Variants in HNF4G observed in about 807,000 individuals in gnomAD.
HNF4G encodes the protein hepatocyte nuclear factor 4-gamma.
HNF4G carries 21 observed loss-of-function variants against 50.9 expected under a neutral mutation model. That is an observed-to-expected ratio of 0.41 (90% CI 0.29 to 0.59). The LOEUF (loss-of-function observed/expected upper bound fraction) is 0.59, where lower values mean the gene tolerates loss of function less well. HNF4G is among the 20% of genes least tolerant of loss of function. The pLI is 0.26. For missense variants in HNF4G, 527 were observed against 559.4 expected, an observed-to-expected ratio of 0.94 and a Z score of 0.58; for synonymous variants, 198 against 185.6, an observed-to-expected ratio of 1.07 and a Z score of -0.54.
chr8:75,499,243 C>T (rs1585897809), intron 2 of HNF4G, among the ~76,000 whole-genome samples: 1 of 151,842 alleles, frequency 6.6e-6, no homozygotes, highest in African/African-American at 2.4e-5. Context: ...TAGCAAACAA[C>T]AGTCAGAAGG....
intron 2 of HNF4G, among the ~76,000 whole-genome samples, chr8:75,547,185 A>G (rs752628174): frequency 2.0e-5 from 3 of 152,218 alleles, no homozygotes; most frequent in Non-Finnish European, 4.4e-5. Flanking sequence ...TAATAGAAGA[A>G]TATTTGAAAA....
intron 1 of HNF4G, among the ~76,000 whole-genome samples, chr8:75,464,967 T>C (rs1811934206): frequency 6.6e-6 from 1 of 152,136 alleles, no homozygotes; most frequent in Non-Finnish European, 1.5e-5. Context: ...GTAAACCTTG[T>C]TTTCTAATCC....
intron 1 of HNF4G, among the ~76,000 whole-genome samples, chr8:75,484,282 G>A (rs754675030): frequency 2.0e-5 from 3 of 152,146 alleles, no homozygotes; most frequent in African/African-American, 7.2e-5. Flanking sequence ...CAGTCATTAC[G>A]AATCATGTTT....
At chr8:75,534,646 A>G (rs945948307) in intron 2 of HNF4G, among the ~76,000 whole-genome samples, 1 of 151,972 alleles carries the variant, frequency 6.6e-6, no homozygotes, top group Non-Finnish European at 1.5e-5. Flanking sequence ...GAAAGAATAT[A>G]GTAGCATCTT....
upstream of HNF4G, among the ~76,000 whole-genome samples, chr8:75,535,163 G>A (rs931426163): frequency 6.6e-6 from 1 of 151,636 alleles, no homozygotes; most frequent in African/African-American, 2.4e-5. Context: ...ATCATAAGAG[G>A]CAATTTCAAA....
At chr8:75,436,426 T>C (rs1242165306) in intron 1 of HNF4G, among the ~76,000 whole-genome samples, 1 of 152,202 alleles carries the variant, frequency 6.6e-6, no homozygotes, top group African/African-American at 2.4e-5. Flanking sequence ...CAACGTATTG[T>C]TAGTTTAGAA....
At chr8:75,504,193 G>C (rs918452334) in intron 2 of HNF4G, among the ~76,000 whole-genome samples, 7 of 148,050 alleles carry the variant, frequency 4.7e-5, no homozygotes, top group African/African-American at 7.4e-5. Context: ...TGCACTCCAG[G>C]CTAGGTGACA....
intron 1 of HNF4G, among the ~76,000 whole-genome samples, chr8:75,461,880 A>AT (rs34382875): frequency 0.53 from 77,266 of 146,512 alleles, 22,570 homozygotes; most frequent in African/African-American, 0.79. Context: ...CTTTAAAAAA[A>AT]AATAAATATA....
chr8:75,522,539 A>G (rs913255839), intron 2 of HNF4G, among the ~76,000 whole-genome samples: 1 of 152,178 alleles, frequency 6.6e-6, no homozygotes, highest in Non-Finnish European at 1.5e-5. Flanking sequence ...AATTTTCTCA[A>G]CCTGAGCATT....
intron 1 of HNF4G, among the ~76,000 whole-genome samples, chr8:75,419,007 G>A (rs538791567): frequency 2.6e-5 from 4 of 152,208 alleles, no homozygotes; most frequent in Admixed American, 1.3e-4. Flanking sequence ...GATTACAGGC[G>A]TGAGCCACTG....
At chr8:75,426,294 T>A (rs1190187991) in intron 1 of HNF4G, among the ~76,000 whole-genome samples, 1 of 152,208 alleles carries the variant, frequency 6.6e-6, no homozygotes, top group Non-Finnish European at 1.5e-5. Flanking sequence ...AATCACATCT[T>A]CCCTGATCTC....
chr8:75,556,509 A>G (rs1176175784), intron 6 of HNF4G, among the ~76,000 whole-genome samples: 6 of 152,182 alleles, frequency 3.9e-5, no homozygotes, highest in Admixed American at 3.9e-4. Context: ...CTACAAAATG[A>G]TCAAGTAAAA....
At chr8:75,497,414 G>A (rs1050511156) in intron 2 of HNF4G, among the ~76,000 whole-genome samples, 4 of 152,206 alleles carry the variant, frequency 2.6e-5, no homozygotes, top group South Asian at 4.1e-4. Flanking sequence ...GGCTAGGCAC[G>A]GTGGCTCACG....
chr8:75,533,660 A>G (rs576233079), intron 2 of HNF4G, among the ~76,000 whole-genome samples: 106 of 152,014 alleles, frequency 7.0e-4, no homozygotes, highest in African/African-American at 2.5e-3. Context: ...AACCAACACT[A>G]TTTTCTAAAA....
intron 1 of HNF4G, among the ~76,000 whole-genome samples, chr8:75,471,400 C>T (rs1184491807): frequency 6.6e-6 from 1 of 152,102 alleles, no homozygotes; most frequent in African/African-American, 2.4e-5. Context: ...TTTGCAATCA[C>T]CACCTGGAAT....
At chr8:75,415,226 G>GT (rs988321485) in intron 1 of HNF4G, among the ~76,000 whole-genome samples, 11 of 150,816 alleles carry the variant, frequency 7.3e-5, no homozygotes, top group Admixed American at 2.6e-4. Context: ...TGAGTTGTTT[G>GT]TTTTTTTTCA....
At chr8:75,520,139 A>G (rs73347048) in intron 2 of HNF4G, among the ~76,000 whole-genome samples, 132 of 152,214 alleles carry the variant, frequency 8.7e-4, no homozygotes, top group African/African-American at 2.8e-3. Flanking sequence ...AAATGAATTA[A>G]TAAGATAATT....
chr8:75,494,751 G>GT (rs1043194964), intron 2 of HNF4G, among the ~76,000 whole-genome samples: 2 of 151,782 alleles, frequency 1.3e-5, no homozygotes, highest in African/African-American at 4.8e-5. Context: ...GATAATACTA[G>GT]TAATAGCATA....
intron 1 of HNF4G, among the ~76,000 whole-genome samples, chr8:75,425,560 A>G (rs1004224694): frequency 6.8e-6 from 1 of 147,968 alleles, no homozygotes; most frequent in African/African-American, 2.5e-5. Context: ...TACATATATT[A>G]TATAATATAT....
Sources: gnomAD v4.1 joint callset for allele counts (sites outside exome capture counted in the v4.1 genomes callset) on GRCh38, gnomAD v4.1.1 for gene constraint, MANE v1.5 for transcripts, NCBI Gene and HGNC (gene_info 2026-07-23, HGNC 2026-07-21) for gene names.